The following GRIN2B variants were observed in gnomAD, a reference collection of about 807,000 sequenced individuals.
GRIN2B encodes the protein glutamate ionotropic receptor NMDA type subunit 2B, also known as glutamate receptor ionotropic, NMDA 2B.
GRIN2B carries 5 observed loss-of-function variants against 114.5 expected under a neutral mutation model. The ratio of observed to expected loss-of-function variants is 0.04; its 90% CI spans 0.02 to 0.09. The LOEUF (loss-of-function observed/expected upper bound fraction) is 0.09. Ranked by LOEUF, GRIN2B falls within the 10% of genes least tolerant of loss-of-function variation. The pLI is 1.00. For missense variants in GRIN2B, 1,108 were observed against 1,943.5 expected (o/e 0.57, Z 8.08); for synonymous variants, 787 against 745.1 (o/e 1.06, Z -0.92).
chr12:13,908,023 A>G (rs1024370545), intron 2 of GRIN2B, among the ~76,000 whole-genome samples: 1 of 152,082 alleles, frequency 6.6e-6, no homozygotes, highest in Non-Finnish European at 1.5e-5. Context: ...ACTTTTCAGC[A>G]GGGCAGAATG....
At chr12:13,641,384 A>G (rs4764023) in intron 5 of GRIN2B, among the ~76,000 whole-genome samples, 51,834 of 151,912 alleles carry the variant, frequency 0.34, 10,573 homozygotes, top group East Asian at 0.81. Flanking sequence ...TGCATCGTTA[A>G]TTTGAGGTTC....
At chr12:13,712,249 G>C (rs1950421501) in intron 4 of GRIN2B, among the ~76,000 whole-genome samples, 1 of 151,570 alleles carries the variant, frequency 6.6e-6, no homozygotes, top group Non-Finnish European at 1.5e-5. Flanking sequence ...GGAAGGGGGA[G>C]GGATAGCATT....
At chr12:13,634,862 G>A (rs748723400) in intron 5 of GRIN2B, among the ~76,000 whole-genome samples, 7 of 152,124 alleles carry the variant, frequency 4.6e-5, no homozygotes, top group East Asian at 1.9e-4. Context: ...ATCTGAACTC[G>A]TTGCTACTTT....
chr12:13,618,654 C>T (rs1037603075), intron 5 of GRIN2B, among the ~76,000 whole-genome samples: 1 of 152,158 alleles, frequency 6.6e-6, no homozygotes, highest in Non-Finnish European at 1.5e-5. Flanking sequence ...TCACTGTCCT[C>T]AGAATTGTGC....
At chr12:13,894,362 T>C (rs1216962372) in intron 2 of GRIN2B, among the ~76,000 whole-genome samples, 2 of 152,122 alleles carry the variant, frequency 1.3e-5, no homozygotes, top group Non-Finnish European at 2.9e-5. Flanking sequence ...GTTAAGTAAA[T>C]TGTGCTATAG....
chr12:13,955,093 T>C (rs928912443), intron 2 of GRIN2B, among the ~76,000 whole-genome samples: 2 of 152,184 alleles, frequency 1.3e-5, no homozygotes, highest in South Asian at 2.1e-4. Flanking sequence ...TTTGACAAAA[T>C]TGATCATGCA....
At chr12:13,670,472 T>TC (rs982070266) in intron 5 of GRIN2B, 1 of 152,174 alleles carries the variant, frequency 6.6e-6, no homozygotes, top group African/African-American at 2.4e-5. Context: ...AAGTCATTAC[T>TC]CAGAGCACAC....
chr12:13,768,360 CA>C (rs1012005663), intron 3 of GRIN2B, among the ~76,000 whole-genome samples: 62 of 152,180 alleles, frequency 4.1e-4, no homozygotes, highest in African/African-American at 1.4e-3. Context: ...GAGTCTGAAC[CA>C]AAAAAACTTG....
chr12:13,688,388 C>A (rs1950188766), intron 4 of GRIN2B, among the ~76,000 whole-genome samples: 1 of 152,170 alleles, frequency 6.6e-6, no homozygotes, highest in Non-Finnish European at 1.5e-5. Flanking sequence ...ACTAAACACA[C>A]AGGCTTTTTA....
At chr12:13,716,698 C>T (rs1950458785) in intron 4 of GRIN2B, among the ~76,000 whole-genome samples, 1 of 151,810 alleles carries the variant, frequency 6.6e-6, no homozygotes, top group African/African-American at 2.4e-5. Context: ...TTAATCTGTC[C>T]TCTGAGAGTT....
At chr12:13,732,475 A>G (rs1863100837) in intron 4 of GRIN2B, among the ~76,000 whole-genome samples, 1 of 152,218 alleles carries the variant, frequency 6.6e-6, no homozygotes, top group Non-Finnish European at 1.5e-5. Context: ...GTTCTTTGAA[A>G]TCCAGGTCAA....
intron 3 of GRIN2B, among the ~76,000 whole-genome samples, chr12:13,811,965 G>A (rs1006609135): frequency 3.3e-5 from 5 of 152,186 alleles, no homozygotes; most frequent in East Asian, 1.9e-4. Flanking sequence ...GCAGCATTTC[G>A]TAAGTGGATA....
At chr12:13,811,558 T>C (rs756937867) in intron 3 of GRIN2B, among the ~76,000 whole-genome samples, 61 of 152,158 alleles carry the variant, frequency 4.0e-4, no homozygotes, top group Non-Finnish European at 7.8e-4. Context: ...TCAGCCTGGG[T>C]GACACAGTGA....
At chr12:13,854,169 T>C (rs938560194) in intron 3 of GRIN2B, among the ~76,000 whole-genome samples, 3 of 151,974 alleles carry the variant, frequency 2.0e-5, no homozygotes, top group African/African-American at 7.3e-5. Context: ...CCCTGGAAAG[T>C]AGAAAAATAT....
intron 4 of GRIN2B, among the ~76,000 whole-genome samples, chr12:13,743,254 G>T (rs1863316152): frequency 6.6e-6 from 1 of 152,158 alleles, no homozygotes; most frequent in Admixed American, 6.5e-5. Context: ...TTAGCTCAGA[G>T]CCCTTTTCTG....
chr12:13,579,270 C>G (rs1565460687), intron 10 of GRIN2B, among the ~76,000 whole-genome samples: 1 of 152,092 alleles, frequency 6.6e-6, no homozygotes, highest in Non-Finnish European at 1.5e-5. Flanking sequence ...GCCTGGATCA[C>G]AAAGAAAGTT....
chr12:13,621,227 C>T (rs538209934), intron 5 of GRIN2B, among the ~76,000 whole-genome samples: 4 of 151,984 alleles, frequency 2.6e-5, no homozygotes, highest in Non-Finnish European at 4.4e-5. Flanking sequence ...AAAGAGAAGC[C>T]GGAGACACCA....
chr12:13,644,333 A>G (rs1310186023), intron 5 of GRIN2B, among the ~76,000 whole-genome samples: 1 of 152,126 alleles, frequency 6.6e-6, no homozygotes, highest in Non-Finnish European at 1.5e-5. Context: ...TTTGAAAGGA[A>G]TCTCCTTTTT....
Position 13,567,179 on chromosome 12 carries a change from A to G in GRIN2B, c.2444T>C (p.Ile815Thr). 6.2e-7 allele frequency: 1 copy of G among 1,614,116 alleles called. No individual in the cohort carries two copies. The highest frequency in any genetic ancestry group is 8.5e-7 in the Non-Finnish European group (1 of 1,179,976). ...KNEVMSSQLD[I>T]DNMAGVFYML... is the part of the protein sequence containing the mutation. ...GTAGAAGACCCCTGCCATGTTGTCAATGTCCAGCTGGCTGCTCATGACCTC... is the reference window on the plus strand; with the variant it reads ...GTAGAAGACCCCTGCCATGTTGTCAGTGTCCAGCTGGCTGCTCATGACCTC... The change falls in exon 13 of 14, where the codon ATT (isoleucine) becomes ACT (threonine). Residue 815 changes from isoleucine to threonine, a missense_variant. By Grantham distance (89) the Ile-to-Thr change is moderately conservative (BLOSUM62 -1). Coordinates refer to ENST00000609686, the MANE Select transcript of GRIN2B (RefSeq NM_000834.5).
Sources: gnomAD v4.1 joint callset for allele counts (sites outside exome capture counted in the v4.1 genomes callset) on GRCh38, gnomAD v4.1.1 for gene constraint, MANE v1.5 for transcripts, NCBI Gene and HGNC (gene_info 2026-07-23, HGNC 2026-07-21) for gene names.